PCSK1: variants seen among roughly 807,000 people sequenced by gnomAD.
The protein encoded by PCSK1 is neuroendocrine convertase 1.
In PCSK1, 56 loss-of-function variants were observed where a neutral mutation model predicts 90.6. The ratio of observed to expected loss-of-function variants is 0.62; its 90% CI spans 0.50 to 0.77. The LOEUF is 0.77. Among genes scored for constraint, PCSK1 ranks in the 30% least tolerant of loss-of-function variants. The pLI is 0.00. For synonymous variants in PCSK1, 348 were observed against 342.4 expected (o/e 1.02, Z -0.18); for missense variants, 801 against 932.6 (o/e 0.86, Z 1.84).
Position 96,411,000 on chromosome 5 carries a change from C to G in PCSK1, c.883-14G>C. 1 of 1,578,022 alleles carries G rather than the reference C, an allele frequency of 6.3e-7. No homozygotes were observed. Among genetic ancestry groups the G allele is most frequent in the Non-Finnish European group, 8.7e-7 (1 of 1,148,212 alleles). On this transcript the variant is annotated splice_polypyrimidine_tract_variant and intron_variant, in intron 7 of 13. Transcript: ENST00000311106. ...CCCCTGTCTCCCCTAAAGGAAAAGC[C>G]AGAATGCATATTATCTGTTATCATC... is the stretch of plus-strand genomic sequence containing the variant.
At position 96,424,362 on chromosome 5, in the gene PCSK1, GAGA is replaced by G. The variant is rs1761218103; in HGVS notation, c.397-906_397-904del. ...GTACACAGATTGTTGGCCAAAGTCA[GAGA>G]AGAAGGCCTCTATGTCAGTTGCAGG... On this transcript the variant is annotated intron_variant, in intron 3 of 13. Coordinates refer to ENST00000311106, the MANE Select transcript of PCSK1 (RefSeq NM_000439.5). 2.6e-5 allele frequency among the ~76,000 whole-genome samples: 4 copies of G among 152,186 alleles called. No individual in the cohort carries two copies. The South Asian group carries it at 8.3e-4, about 31-fold the overall frequency.
intron 1 of PCSK1, among the ~76,000 whole-genome samples, chr5:96,431,249 G>A (rs1028909438): frequency 3.9e-5 from 6 of 152,140 alleles, no homozygotes; most frequent in African/African-American, 1.2e-4. Context: ...ACTGTATTAT[G>A]TCTCACTGTT....
chr5:96,423,562 G>A, intron 3 of PCSK1, 103 bp from the exon 4 acceptor site: 2 of 1,034,322 alleles, frequency 1.9e-6, no homozygotes, highest in Non-Finnish European at 3.0e-6. Flanking sequence ...TTTTCCTTGG[G>A]TCACTCTACT....
chr5:96,422,748 A>G (rs1561374927), intron 4 of PCSK1, among the ~76,000 whole-genome samples: 1 of 152,204 alleles, frequency 6.6e-6, no homozygotes. Context: ...GACCTAAGAT[A>G]TATGATGGTG....
rs1304498718 is a variant in PCSK1 at position 96,392,273 on chromosome 5, CAG to C, written c.*726_*727del. ...TATAGAAAACTTTCAGAAGGAGAAA[CAG>C]AGGAAAGACCAGGCATGCAGCACGA... On this transcript the variant is annotated 3_prime_UTR_variant, in exon 14 of 14. Coordinates refer to ENST00000311106, the MANE Select transcript of PCSK1 (RefSeq NM_000439.5). 6.6e-6 allele frequency: 1 copy of C among 151,344 alleles called. No homozygotes were observed. The highest frequency in any genetic ancestry group is 1.5e-5 in the Non-Finnish European group (1 of 67,932). The allele number at this position is 151,344 out of a possible 1,614,324, so 9.4% of individuals were successfully genotyped here.
rs1404609208 is a variant in PCSK1 at position 96,392,977 on chromosome 5, C to T, written c.*24G>A. 1 of 1,613,340 alleles carries T rather than the reference C, an allele frequency of 6.2e-7. No individual in the cohort carries two copies. The highest frequency in any genetic ancestry group is 1.3e-5 in the African/African-American group (1 of 74,908). ...GGGTAAGGAAGAAGCATGAATATTT[C>T]CAACTTGGGACCACACACTTATTTT... On this transcript the variant is annotated 3_prime_UTR_variant, in exon 14 of 14. Coordinates refer to ENST00000311106, the MANE Select transcript of PCSK1 (RefSeq NM_000439.5).
chr5:96,410,144 C>T (rs1364472969), intron 8 of PCSK1, among the ~76,000 whole-genome samples: 2 of 152,044 alleles, frequency 1.3e-5, no homozygotes, highest in African/African-American at 4.8e-5. Context: ...ATCGTCATGC[C>T]CTTGAAGGGA....
At chr5:96,399,611 C>T (rs1760281983) in intron 10 of PCSK1, among the ~76,000 whole-genome samples, 1 of 152,000 alleles carries the variant, frequency 6.6e-6, no homozygotes. Flanking sequence ...TTTCATCAAC[C>T]CTAAGATGCA....
chr5:96,419,975 C>G (rs1027048042), intron 5 of PCSK1, among the ~76,000 whole-genome samples: 3 of 151,978 alleles, frequency 2.0e-5, no homozygotes, highest in African/African-American at 7.3e-5. Flanking sequence ...GGGCCAGACC[C>G]AGGATCTGCC....
At position 96,412,364 on chromosome 5, in the gene PCSK1, C is replaced by G. The variant is rs142673134; in HGVS notation, c.836G>C (p.Gly279Ala). ...GPNDDGKTVE[G>A]PGRLAQKAFE... is the part of the protein sequence containing the mutation. ...AGCCTTCTGGGCTAGCCGGCCAGGC[C>G]CCTCCACAGTTTTCCCATCATCATT... The change falls in exon 7 of 14, where the codon GGG (glycine) becomes GCG (alanine). Residue 279 changes from glycine (G) to alanine (A), a missense_variant. Physicochemically the swap from Gly to Ala is moderately conservative, Grantham distance 60. Transcript: ENST00000311106. The G allele has an allele frequency of 3.1e-6, 5 of 1,614,120 alleles. No individual in the cohort carries two copies. The highest frequency in any genetic ancestry group is 4.2e-6 in the Non-Finnish European group (5 of 1,180,012).
intron 8 of PCSK1, among the ~76,000 whole-genome samples, chr5:96,409,891 A>G (rs57067320): frequency 0.022 from 3,406 of 152,310 alleles, 130 homozygotes; most frequent in African/African-American, 0.077. Context: ...TCCTGTATGA[A>G]GAAGATGTTC....
At chr5:96,431,675 G>A (rs1157374730) in intron 1 of PCSK1, among the ~76,000 whole-genome samples, 1 of 152,086 alleles carries the variant, frequency 6.6e-6, no homozygotes, top group Non-Finnish European at 1.5e-5. Context: ...AGACAATTTG[G>A]TTTATAAAGT....
intron 6 of PCSK1, among the ~76,000 whole-genome samples, chr5:96,415,566 T>A (rs1326923461): frequency 1.3e-5 from 2 of 152,220 alleles, no homozygotes; most frequent in Non-Finnish European, 2.9e-5. Context: ...AAATCCTACA[T>A]CCTTGCTATA....
At chr5:96,426,966 G>A (rs1368975063) in intron 2 of PCSK1, among the ~76,000 whole-genome samples, 1 of 152,154 alleles carries the variant, frequency 6.6e-6, no homozygotes, top group Non-Finnish European at 1.5e-5. Flanking sequence ...TAAAGTGCTT[G>A]TATTTTCAAG....
At chr5:96,419,388 A>G (rs948913392) in intron 5 of PCSK1, among the ~76,000 whole-genome samples, 1 of 147,894 alleles carries the variant, frequency 6.8e-6, no homozygotes, top group Non-Finnish European at 1.5e-5. Context: ...TACTTATTAT[A>G]TATATATATA....
chr5:96,427,805 CTCTT>C (rs1475320083), intron 2 of PCSK1, among the ~76,000 whole-genome samples: 1 of 152,188 alleles, frequency 6.6e-6, no homozygotes, highest in Non-Finnish European at 1.5e-5. Flanking sequence ...AAGGAAATCT[CTCTT>C]CTGCTTAGCC....
chr5:96,406,304 C>A (rs1760560121), intron 9 of PCSK1, among the ~76,000 whole-genome samples: 2 of 152,126 alleles, frequency 1.3e-5, no homozygotes, highest in South Asian at 4.1e-4. Flanking sequence ...ACAATTATTT[C>A]TCGGTTAATT....
intron 5 of PCSK1, 49 bp from the exon 6 acceptor site, chr5:96,416,170 T>C (rs998167061): frequency 7.9e-7 from 1 of 1,261,774 alleles, no homozygotes; most frequent in African/African-American, 1.5e-5. Context: ...GAACAAACAT[T>C]TGTTTTGCAT....
chr5:96,417,745 T>G (rs1018407892), intron 5 of PCSK1, among the ~76,000 whole-genome samples: 2 of 152,226 alleles, frequency 1.3e-5, no homozygotes, highest in Non-Finnish European at 2.9e-5. Context: ...GAGTTAGGAT[T>G]CTTTCATTTG....
Sources: allele counts gnomAD v4.1 joint callset (sites outside exome capture counted in the v4.1 genomes callset), GRCh38; gene constraint gnomAD v4.1.1; transcripts MANE v1.5; gene names NCBI Gene and HGNC (gene_info 2026-07-23, HGNC 2026-07-21).